Variants in SIRT4 observed in about 807,000 individuals in gnomAD.
SIRT4 encodes sirtuin 4, also known as NAD-dependent protein lipoamidase sirtuin-4, mitochondrial.
A neutral mutation model predicts 26.1 loss-of-function variants in SIRT4; 23 were observed. The ratio of observed to expected loss-of-function variants is 0.88; its 90% confidence interval spans 0.63 to 1.25. SIRT4 has a LOEUF of 1.25. SIRT4 is among the 50% of genes most tolerant of loss of function. SIRT4 has a pLI of 0.00. For synonymous variants in SIRT4, 155 were observed against 158.4 expected, an observed-to-expected ratio of 0.98 and a Z score of 0.16; for missense variants, 361 against 405.4, an observed-to-expected ratio of 0.89 and a Z score of 0.94.
the SIRT4 span, among the ~76,000 whole-genome samples, chr12:120,294,024 TGGA>T: frequency 2.2e-4 from 32 of 146,222 alleles, no homozygotes; most frequent in South Asian, 2.1e-4. Context: ...TTTTTTGAGA[TGGA>T]GTTTTTGCTC....
upstream of SIRT4, among the ~76,000 whole-genome samples, chr12:120,297,338 A>AG (rs1872366032): frequency 3.4e-5 from 5 of 148,192 alleles, no homozygotes; most frequent in African/African-American, 1.2e-4. Flanking sequence ...AAAAAAAAAA[A>AG]AAAGAGAGAG....
At position 120,304,016 on chromosome 12, in the gene SIRT4, C is replaced by T. The variant is rs200142301; in HGVS notation, c.455C>T (p.Ala152Val). The T allele has an allele frequency of 5.1e-5, 82 of 1,612,134 alleles. No individual in the cohort carries two copies. Among genetic ancestry groups the T allele is most frequent in the Non-Finnish European group, 6.4e-5 (75 of 1,180,028 alleles). ...AATGTGGATGCTTTGCACACCAAGG[C>T]GGGGAGTCGGCGCCTGACAGAGCTC... ...TQNVDALHTK[A>V]GSRRLTELHG... The change falls in exon 2 of 4, where the codon GCG (alanine) becomes GTG (valine). Residue 152 changes from alanine to valine, a missense_variant. Ala to Val is a moderately conservative substitution (Grantham distance 64). Transcript: ENST00000202967.
chr12:120,296,479 T>C, the SIRT4 span, among the ~76,000 whole-genome samples: 1 of 151,232 alleles, frequency 6.6e-6, no homozygotes, highest in Non-Finnish European at 1.5e-5. Flanking sequence ...TGATGTGTTA[T>C]GTGATTATTT....
chr12:120,308,015 A>T (rs540541666), intron 2 of SIRT4, among the ~76,000 whole-genome samples: 20 of 149,830 alleles, frequency 1.3e-4, no homozygotes, highest in South Asian at 6.3e-4. Flanking sequence ...AAAGCTTTTT[A>T]AAAAAAAAAT....
At chr12:120,312,414 C>T (rs1873014640) in intron 2 of SIRT4, 42 bp from the exon 3 acceptor site, 3 of 1,555,354 alleles carry the variant, frequency 1.9e-6, no homozygotes, top group Non-Finnish European at 2.6e-6. Context: ...CTTTGTGCCT[C>T]CCAAGGGCAT....
upstream of SIRT4, among the ~76,000 whole-genome samples, chr12:120,298,781 C>G (rs1429066952): frequency 1.3e-5 from 2 of 151,042 alleles, no homozygotes; most frequent in East Asian, 3.9e-4. Flanking sequence ...GTGGCGGGCA[C>G]CCGTAATCCC....
At chr12:120,293,114 A>C in the SIRT4 span, 1 of 152,166 alleles carries the variant, frequency 6.6e-6, no homozygotes, top group Admixed American at 6.6e-5. Flanking sequence ...AGAGACTGTC[A>C]AAAATTGCCA....
At chr12:120,292,079 G>C in the SIRT4 span, among the ~76,000 whole-genome samples, 1 of 152,148 alleles carries the variant, frequency 6.6e-6, no homozygotes, top group Admixed American at 6.6e-5. Context: ...AAACATTCAG[G>C]TTTTGAAAAC....
chr12:120,297,316 C>CAAAAAAAA (rs56259520), upstream of SIRT4, among the ~76,000 whole-genome samples: 3 of 67,642 alleles, frequency 4.4e-5, no homozygotes, highest in African/African-American at 1.6e-4. Context: ...CGCCTGTAAT[C>CAAAAAAAA]AAAAAAAAAA....
At chr12:120,309,060 T>C (rs1872853615) in intron 2 of SIRT4, among the ~76,000 whole-genome samples, 1 of 151,966 alleles carries the variant, frequency 6.6e-6, no homozygotes, top group Admixed American at 6.6e-5. Context: ...ATGCCTGTAA[T>C]CCCAGCTACT....
chr12:120,292,295 T>G, the SIRT4 span, among the ~76,000 whole-genome samples: 1 of 152,102 alleles, frequency 6.6e-6, no homozygotes, highest in South Asian at 2.1e-4. Flanking sequence ...AGGACGTCAC[T>G]GTGACAAAAT....
chr12:120,291,970 CTGCCCGTG>C, the SIRT4 span: 1 of 152,172 alleles, frequency 6.6e-6, no homozygotes, highest in Non-Finnish European at 1.5e-5. Context: ...GGGTGAGTGC[CTGCCCGTG>C]TGTCCGTGTA....
At position 120,303,668 on chromosome 12, in the gene SIRT4, GTCC is replaced by G. The variant is rs755283087; in HGVS notation, c.113_115del (p.Pro38del). 1.2e-6 allele frequency: 2 copies of G among 1,614,138 alleles called. No homozygotes were observed. The highest frequency in any genetic ancestry group is 2.2e-5 in the East Asian group (1 of 44,886). ...TCCATTGGGTTATTTGTGCCAGCAA[GTCC>G]TCCTCTGGACCCTGAGAAGGTCAAA... On this transcript the variant is annotated inframe_deletion, in exon 2 of 4. Coordinates refer to ENST00000202967, the MANE Select transcript of SIRT4 (RefSeq NM_012240.3).
the SIRT4 span, chr12:120,291,899 A>C: frequency 1.3e-5 from 2 of 152,090 alleles, no homozygotes; most frequent in Admixed American, 6.6e-5. Context: ...CCACTGCGCA[A>C]AGCTGGAAAG....
chr12:120,299,475 C>T (rs901085795), upstream of SIRT4, among the ~76,000 whole-genome samples: 2 of 150,810 alleles, frequency 1.3e-5, no homozygotes, highest in Non-Finnish European at 2.9e-5. Flanking sequence ...TCACTTCAGC[C>T]GGGAAGGCAG....
the SIRT4 span, among the ~76,000 whole-genome samples, chr12:120,295,196 T>A: frequency 6.9e-6 from 1 of 145,502 alleles, no homozygotes; most frequent in African/African-American, 2.5e-5. Context: ...TGTGCAAATA[T>A]CAGCTTAAGT....
intron 2 of SIRT4, among the ~76,000 whole-genome samples, chr12:120,310,015 C>G (rs1417941841): frequency 1.3e-5 from 2 of 152,044 alleles, no homozygotes; most frequent in African/African-American, 4.8e-5. Flanking sequence ...CCGTGCCCGG[C>G]CTGGCCTTTT....
chr12:120,294,167 T>C, the SIRT4 span, among the ~76,000 whole-genome samples: 2 of 151,662 alleles, frequency 1.3e-5, no homozygotes, highest in East Asian at 3.9e-4. Flanking sequence ...CCACTCTTTG[T>C]ATTTTTAGTA....
chr12:120,295,286 C>T, the SIRT4 span, among the ~76,000 whole-genome samples: 20 of 148,072 alleles, frequency 1.4e-4, no homozygotes, highest in African/African-American at 4.5e-4. Context: ...GCAATCTCAG[C>T]TCACCACAAC....
Sources: allele counts gnomAD v4.1 joint callset (sites outside exome capture counted in the v4.1 genomes callset), GRCh38; gene constraint gnomAD v4.1.1; transcripts MANE v1.5; gene names NCBI Gene and HGNC (gene_info 2026-07-23, HGNC 2026-07-21).